Variants in CARMIL1 observed in about 807,000 individuals in gnomAD.
CARMIL1 encodes F-actin-uncapping protein LRRC16A.
A neutral mutation model predicts 177.1 loss-of-function variants in CARMIL1; 90 were observed. The ratio of observed to expected loss-of-function variants is 0.51; its 90% CI spans 0.43 to 0.61. The LOEUF is 0.61. Among genes scored for constraint, CARMIL1 ranks in the 20% least tolerant of loss-of-function variants. The pLI, the probability that CARMIL1 is intolerant of heterozygous loss-of-function variation, is 0.00. For missense variants in CARMIL1, 1,380 were observed against 1,667.0 expected, an observed-to-expected ratio of 0.83 and a Z score of 3.00; for synonymous variants, 577 against 606.2, an observed-to-expected ratio of 0.95 and a Z score of 0.71.
At chr6:25,523,719 C>CA (rs2151085368) in intron 23 of CARMIL1, among the ~76,000 whole-genome samples, 1 of 152,198 alleles carries the variant, frequency 6.6e-6, no homozygotes. Context: ...TTAGATCTGT[C>CA]AAAGAACTTA....
chr6:25,296,901 CTATCTAT>C (rs773956310), intron 2 of CARMIL1, among the ~76,000 whole-genome samples: 4,248 of 38,952 alleles, frequency 0.11, 72 homozygotes, highest in Admixed American at 0.14. Context: ...CTTTATCTAT[CTATCTAT>C]CTATCTATCT....
At chr6:25,390,873 T>G (rs961476537) in intron 2 of CARMIL1, among the ~76,000 whole-genome samples, 7 of 152,064 alleles carry the variant, frequency 4.6e-5, no homozygotes, top group Non-Finnish European at 7.4e-5. Context: ...GGCTAATTTT[T>G]GTACTTTTAG....
intron 20 of CARMIL1, among the ~76,000 whole-genome samples, chr6:25,514,992 G>A (rs140856931): frequency 0.017 from 2,565 of 152,222 alleles, 54 homozygotes; most frequent in African/African-American, 0.049. Flanking sequence ...AAGCTAATAG[G>A]GAGATGTGGT....
chr6:25,517,473 A>G, intron 22 of CARMIL1, 58 bp downstream of exon 22: 3 of 1,330,578 alleles, frequency 2.3e-6, no homozygotes, highest in East Asian at 2.3e-5. Flanking sequence ...CCAATGGTAT[A>G]TATGTTACCT....
At chr6:25,343,046 T>A (rs1787107087) in intron 2 of CARMIL1, among the ~76,000 whole-genome samples, 1 of 152,208 alleles carries the variant, frequency 6.6e-6, no homozygotes, top group Non-Finnish European at 1.5e-5. Flanking sequence ...TTTCTTCTTG[T>A]TCTGATGTTT....
At chr6:25,612,719 TA>T in intron 36 of CARMIL1, 1 of 980,526 alleles carries the variant, frequency 1.0e-6, no homozygotes, top group Non-Finnish European at 1.2e-6. Context: ...AAGGGTAAAA[TA>T]AATCCCTTTT....
intron 8 of CARMIL1, among the ~76,000 whole-genome samples, chr6:25,459,217 T>C (rs1179267093): frequency 3.3e-5 from 2 of 61,108 alleles, no homozygotes; most frequent in South Asian, 7.5e-4. Flanking sequence ...ACTTTTTCTT[T>C]CTTTCTTTCT....
At chr6:25,474,509 T>G (rs546109485) in intron 11 of CARMIL1, among the ~76,000 whole-genome samples, 1 of 152,214 alleles carries the variant, frequency 6.6e-6, no homozygotes, top group East Asian at 1.9e-4. Context: ...CTGACAAAGA[T>G]ACCTAGGTTG....
At chr6:25,311,712 A>G (rs1454034851) in intron 2 of CARMIL1, among the ~76,000 whole-genome samples, 1 of 152,116 alleles carries the variant, frequency 6.6e-6, no homozygotes, top group Non-Finnish European at 1.5e-5. Context: ...TACACACCTA[A>G]TAGATATGAT....
intron 26 of CARMIL1, among the ~76,000 whole-genome samples, chr6:25,543,202 G>A (rs1562269289): frequency 6.6e-6 from 1 of 152,096 alleles, no homozygotes; most frequent in South Asian, 2.1e-4. Flanking sequence ...TAATCAGGGG[G>A]ATTTATTCCA....
intron 2 of CARMIL1, among the ~76,000 whole-genome samples, chr6:25,335,416 C>G (rs1219837157): frequency 6.6e-6 from 1 of 152,142 alleles, no homozygotes; most frequent in Non-Finnish European, 1.5e-5. Flanking sequence ...ATTCTATATT[C>G]TGGAAAATGC....
intron 24 of CARMIL1, among the ~76,000 whole-genome samples, chr6:25,535,523 A>G (rs1202716544): frequency 6.6e-6 from 1 of 152,176 alleles, no homozygotes; most frequent in Non-Finnish European, 1.5e-5. Context: ...ATTGAGCTTC[A>G]TAAACTATGG....
chr6:25,292,303 C>T (rs1180426031), intron 2 of CARMIL1, among the ~76,000 whole-genome samples: 1 of 152,098 alleles, frequency 6.6e-6, no homozygotes, highest in African/African-American at 2.4e-5. Flanking sequence ...AGTTACATGG[C>T]TCTAGAAAAT....
intron 33 of CARMIL1, among the ~76,000 whole-genome samples, chr6:25,601,485 A>G (rs1442214549): frequency 6.6e-6 from 1 of 152,222 alleles, no homozygotes; most frequent in African/African-American, 2.4e-5. Flanking sequence ...GAGGGAAATA[A>G]AAACACTGAA....
intron 8 of CARMIL1, among the ~76,000 whole-genome samples, chr6:25,459,259 T>TTTCTTTCTTTC (rs1799860998): frequency 1.6e-5 from 2 of 123,800 alleles, no homozygotes; most frequent in Non-Finnish European, 3.4e-5. Flanking sequence ...TCTTTCTTTC[T>TTTCTTTCTTTC]TTCTTTCTTT....
In CARMIL1 at chr6:25,599,012, G is replaced by C. The variant is rs80170524; in HGVS notation, c.3120-1302G>C. On this transcript the variant is annotated intron_variant, in intron 32 of 36. Transcript: ENST00000329474. ...TGTGCAGGCTTTCTTGAGCCTCCCT[G>C]TTTCGTGATCCTCACTCAGCTCAGC... 5.3e-5 allele frequency among the ~76,000 whole-genome samples: 8 copies of C among 152,324 alleles called. No individual in the cohort carries two copies. The East Asian group carries it at 1.5e-3, about 29-fold the overall frequency.
At chr6:25,335,751 G>T (rs950183069) in intron 2 of CARMIL1, among the ~76,000 whole-genome samples, 1 of 152,258 alleles carries the variant, frequency 6.6e-6, no homozygotes, top group South Asian at 2.1e-4. Flanking sequence ...GGCAGGGTGG[G>T]CGCTAAAGCC....
chr6:25,387,554 C>T (rs1792307380), intron 2 of CARMIL1, among the ~76,000 whole-genome samples: 1 of 152,152 alleles, frequency 6.6e-6, no homozygotes, highest in Admixed American at 6.5e-5. Flanking sequence ...TTCTGCAATT[C>T]AGCAGCTTTT....
intron 2 of CARMIL1, among the ~76,000 whole-genome samples, chr6:25,387,014 C>CA (rs954819587): frequency 6.7e-6 from 1 of 150,222 alleles, no homozygotes; most frequent in Non-Finnish European, 1.5e-5. Flanking sequence ...CCTGTAATCT[C>CA]AGCTACTTAG....
Sources: gnomAD v4.1 joint callset for allele counts (sites outside exome capture counted in the v4.1 genomes callset) on GRCh38, gnomAD v4.1.1 for gene constraint, MANE v1.5 for transcripts, NCBI Gene and HGNC (gene_info 2026-07-23, HGNC 2026-07-21) for gene names.